The following DHX29 variants were observed in gnomAD, a reference collection of about 807,000 sequenced individuals.
The protein encoded by DHX29 is ATP-dependent RNA helicase DHX29.
A neutral mutation model predicts 167.9 loss-of-function variants in DHX29; 79 were observed. The observed-to-expected ratio is 0.47, with a 90% CI of 0.39 to 0.57. DHX29 has a LOEUF of 0.57. DHX29 is among the 20% of genes least tolerant of loss of function. The pLI is 0.00. For synonymous variants in DHX29, 530 were observed against 546.0 expected (o/e 0.97, Z 0.41); for missense variants, 1,347 against 1,593.4 (o/e 0.85, Z 2.63).
At chr5:55,274,064 C>G in intron 16 of DHX29, among the ~76,000 whole-genome samples, 1 of 149,676 alleles carries the variant, frequency 6.7e-6, no homozygotes, top group Admixed American at 6.7e-5. Flanking sequence ...TCCAGCCTGG[C>G]CGACAGAGCA....
At chr5:55,302,527 G>A (rs1748654198) in intron 1 of DHX29, among the ~76,000 whole-genome samples, 1 of 151,574 alleles carries the variant, frequency 6.6e-6, no homozygotes, top group African/African-American at 2.4e-5. Context: ...GGCTGAGATG[G>A]GAGGATTGCT....
rs180986354 is a variant in DHX29 at position 55,297,804 on chromosome 5, A to G, written c.262-406T>C. The stretch of plus-strand genomic sequence containing the variant: ...ACACTATACTAAAAACGGGTATAAC[A>G]AGTAAAACTGAAAACTAAATATGTC... On this transcript the variant is annotated intron_variant, in intron 2 of 26. Transcript: ENST00000251636. 2.6e-4 allele frequency among the ~76,000 whole-genome samples: 39 copies of G among 152,356 alleles called. No homozygotes were observed. The East Asian group carries it at 6.7e-3, about 26-fold the overall frequency.
chr5:55,305,630 G>A (rs2111992987), intron 1 of DHX29, among the ~76,000 whole-genome samples: 1 of 152,300 alleles, frequency 6.6e-6, no homozygotes, highest in East Asian at 1.9e-4. Flanking sequence ...CCTATTAAAA[G>A]ACTTCGTTGC....
At position 55,276,571 on chromosome 5, in the gene DHX29, T is replaced by C. The variant is rs548904430; in HGVS notation, c.2287-165A>G. Among the ~76,000 whole-genome samples, 13 of 152,312 alleles carry C rather than the reference T, an allele frequency of 8.5e-5. No individual in the cohort carries two copies. In the South Asian group the frequency reaches 2.5e-3, roughly 29 times the overall value. ...TTTGGGAATGAAGACTTGGTTGACA[T>C]AGAGGGATTGCCTCTAAAGTCTCAG... On this transcript the variant is annotated intron_variant, in intron 13 of 26. Coordinates refer to ENST00000251636, the MANE Select transcript of DHX29 (RefSeq NM_019030.4).
intron 23 of DHX29, among the ~76,000 whole-genome samples, chr5:55,265,427 C>T (rs1032715343): frequency 1.4e-5 from 2 of 147,718 alleles, no homozygotes; most frequent in Non-Finnish European, 3.0e-5. Context: ...TCTCAATATA[C>T]CACCCCTTTA....
chr5:55,283,583 A>C lies in DHX29; in HGVS notation c.1585T>G (p.Ser529Ala), dbSNP rs1327496404. ...GACAGTGCAGAAAAATCCTCATCCG[A>C]AACTAAATTTTCCCAAGATTCCTCG... ...DPEESWENLV[S>A]DEDFSALSLE... The change falls in exon 11 of 27, where the codon TCG becomes GCG. Residue 529 changes from serine (S) to alanine (A), a missense_variant. Around this residue, in one of 3 missense-constraint regions of DHX29, gnomAD observed 882 missense variants for 1,082.4 expected, o/e 0.81. Transcript: ENST00000251636. 1.2e-6 allele frequency: 2 copies of C among 1,614,064 alleles called. No individual in the cohort carries two copies. The highest frequency in any genetic ancestry group is 2.7e-5 in the African/African-American group (2 of 74,932).
chr5:55,262,961 T>C (rs1561134728), intron 23 of DHX29, 29 bp from the exon 24 acceptor site: 13 of 1,511,516 alleles, frequency 8.6e-6, no homozygotes, highest in Non-Finnish European at 1.2e-5. Context: ...AAAACACAAA[T>C]AATCAAATTG....
At chr5:55,260,492 A>G (rs577651656) in intron 25 of DHX29, among the ~76,000 whole-genome samples, 53 of 68,896 alleles carry the variant, frequency 7.7e-4, no homozygotes, top group African/African-American at 2.6e-3. Context: ...CGGCCTCCCA[A>G]AGTGCTGGGA....
chr5:55,265,863 G>C lies in DHX29; in HGVS notation c.3525+1275C>G, dbSNP rs116625475. ...AGTACAAGTAGATTGACCACAGGTT[G>C]GTAATTATGAAAGTGGGAAATGGGT... On this transcript the variant is annotated intron_variant, in intron 23 of 26. Coordinates refer to ENST00000251636, the MANE Select transcript of DHX29 (RefSeq NM_019030.4). 9.4e-3 allele frequency among the ~76,000 whole-genome samples: 1,424 copies of C among 152,182 alleles called. 21 individuals are homozygous for C. The highest frequency in any genetic ancestry group is 0.033 in the African/African-American group (1,372 of 41,530).
Position 55,277,125 on chromosome 5 carries a change from C to T in DHX29, c.2267G>A (p.Gly756Glu). The change falls in exon 13 of 27, where the codon GGA becomes GAA. Residue 756 changes from glycine to glutamate, a missense_variant. This residue lies in a region of DHX29 where 882 missense variants were observed against 1,082.4 expected (regional missense o/e 0.81). Transcript: ENST00000251636. The stretch of plus-strand genomic sequence containing the variant: ...ACTTACCTCAACAGGATAACTTCTT[C>T]CTGAAATTCTGAGAATGGGGCAGTG... ...FTHCPILRIS[G>E]RSYPVEVFHL... The T allele has an allele frequency of 6.2e-7, 1 of 1,609,732 alleles. No homozygotes were observed. The highest frequency in any genetic ancestry group is 8.5e-7 in the Non-Finnish European group (1 of 1,178,558).
At chr5:55,273,744 G>A (rs928012107) in intron 16 of DHX29, among the ~76,000 whole-genome samples, 1 of 152,122 alleles carries the variant, frequency 6.6e-6, no homozygotes, top group African/African-American at 2.4e-5. Context: ...GTTGGCAGGA[G>A]TCACCATCTT....
At chr5:55,277,572 C>T (rs541418258) in intron 12 of DHX29, among the ~76,000 whole-genome samples, 1 of 152,186 alleles carries the variant, frequency 6.6e-6, no homozygotes, top group Admixed American at 6.5e-5. Flanking sequence ...TCAGATGTAG[C>T]TGATAAGGCT....
At chr5:55,287,852 G>T (rs570755916) in intron 8 of DHX29, among the ~76,000 whole-genome samples, 1 of 151,810 alleles carries the variant, frequency 6.6e-6, no homozygotes, top group South Asian at 2.1e-4. Context: ...GGGAGCCTGA[G>T]GCAGGAGAAT....
intron 7 of DHX29, among the ~76,000 whole-genome samples, 173 bp downstream of exon 7, chr5:55,290,045 A>G (rs749686953): frequency 6.6e-6 from 1 of 152,240 alleles, no homozygotes; most frequent in African/African-American, 2.4e-5. Flanking sequence ...CAGAGGCTGT[A>G]TGGCCCATGA....
intron 8 of DHX29, 88 bp from the exon 9 acceptor site, chr5:55,285,949 G>T: frequency 9.0e-7 from 1 of 1,110,520 alleles, no homozygotes; most frequent in Non-Finnish European, 1.2e-6. Flanking sequence ...TTGGAGAACA[G>T]CACTTTTAGA....
intron 11 of DHX29, among the ~76,000 whole-genome samples, chr5:55,282,534 AAATAT>A (rs1343616218): frequency 6.6e-6 from 1 of 152,216 alleles, no homozygotes; most frequent in African/African-American, 2.4e-5. Flanking sequence ...TTAGAGATAA[AAATAT>A]AATATGCCAT....
chr5:55,303,800 C>A (rs897230372), intron 1 of DHX29, among the ~76,000 whole-genome samples: 2 of 152,178 alleles, frequency 1.3e-5, no homozygotes, highest in Admixed American at 6.5e-5. Context: ...CTATTTCAAA[C>A]CAAAATAGAC....
intron 6 of DHX29, among the ~76,000 whole-genome samples, chr5:55,292,067 A>G (rs907944879): frequency 6.6e-6 from 1 of 152,208 alleles, no homozygotes; most frequent in Non-Finnish European, 1.5e-5. Context: ...TCATATGGTA[A>G]TTCAATTTTT....
At chr5:55,276,192 G>T in intron 14 of DHX29, 74 bp downstream of exon 14, 1 of 1,296,544 alleles carries the variant, frequency 7.7e-7, no homozygotes, top group South Asian at 1.5e-5. Flanking sequence ...TTAACCACAT[G>T]ATTTTGAAAC....
Sources: allele counts gnomAD v4.1 joint callset (sites outside exome capture counted in the v4.1 genomes callset), GRCh38; gene constraint gnomAD v4.1.1; regional missense constraint gnomAD v4.1.1; transcripts MANE v1.5; gene names NCBI Gene and HGNC (gene_info 2026-07-23, HGNC 2026-07-21).